WDFY3: variants seen among roughly 807,000 people sequenced by gnomAD.
WDFY3 encodes WD repeat and FYVE domain containing 3, also known as WD repeat and FYVE domain-containing protein 3.
A neutral mutation model predicts 409.6 loss-of-function variants in WDFY3; 66 were observed. The ratio of observed to expected loss-of-function variants is 0.16; its 90% CI spans 0.13 to 0.20. WDFY3 has a LOEUF of 0.20. Among genes scored for constraint, WDFY3 ranks in the 10% least tolerant of loss-of-function variants. WDFY3 has a pLI of 1.00. For synonymous variants in WDFY3, 1,521 were observed against 1,537.1 expected, an observed-to-expected ratio of 0.99 and a Z score of 0.25; for missense variants, 3,031 against 4,298.1, an observed-to-expected ratio of 0.71 and a Z score of 8.24.
chr4:84,708,975 G>T lies in WDFY3; in HGVS notation c.8151C>A (p.Gly2717=). The T allele has an allele frequency of 6.2e-7, 1 of 1,613,794 alleles. No individual in the cohort carries two copies. The highest frequency in any genetic ancestry group is 8.5e-7 in the Non-Finnish European group (1 of 1,179,712). ...QYLMHLNTLA[G]RSYNDLMQYP... ...ACTGCATGAGATCATTATATGATCT[G>T]CCAGCCAAAGTGTTCAAATGCATCA... is the stretch of plus-strand genomic sequence containing the variant. The change falls in exon 53 of 68, where the codon GGC becomes GGA. Residue 2717 remains glycine, a synonymous_variant. Coordinates refer to ENST00000295888, the MANE Select transcript of WDFY3 (RefSeq NM_014991.6).
At chr4:84,761,650 G>A (rs554570703) in intron 32 of WDFY3, among the ~76,000 whole-genome samples, 1 of 152,188 alleles carries the variant, frequency 6.6e-6, no homozygotes, top group South Asian at 2.1e-4. Flanking sequence ...CACAGCAAAG[G>A]AAACTACCAT....
intron 10 of WDFY3, 104 bp downstream of exon 10, chr4:84,826,711 C>T (rs1478766931): frequency 2.6e-6 from 3 of 1,175,124 alleles, no homozygotes; most frequent in African/African-American, 1.6e-5. Context: ...AACTATATTA[C>T]TTTTATATAT....
chr4:84,711,832 C>A (rs1420056188), intron 51 of WDFY3, among the ~76,000 whole-genome samples: 14 of 150,356 alleles, frequency 9.3e-5, no homozygotes, highest in African/African-American at 3.4e-4. Flanking sequence ...GCCTGGGCAA[C>A]AGAGCAAGAC....
intron 33 of WDFY3, among the ~76,000 whole-genome samples, chr4:84,756,500 G>C (rs1449618929): frequency 6.6e-6 from 1 of 151,780 alleles, no homozygotes; most frequent in African/African-American, 2.4e-5. Context: ...TGGGAGAATC[G>C]CTTGAACCCG....
At chr4:84,791,274 T>C (rs1321048926) in intron 21 of WDFY3, among the ~76,000 whole-genome samples, 1 of 152,190 alleles carries the variant, frequency 6.6e-6, no homozygotes, top group African/African-American at 2.4e-5. Flanking sequence ...CTTAAGGACA[T>C]TATGCTAAAT....
chr4:84,939,552 G>T (rs1028156218), intron 1 of WDFY3, among the ~76,000 whole-genome samples: 4 of 152,116 alleles, frequency 2.6e-5, no homozygotes, highest in African/African-American at 7.2e-5. Context: ...AGTCCTACTG[G>T]AAGAAAGAGC....
intron 32 of WDFY3, among the ~76,000 whole-genome samples, chr4:84,764,992 T>A (rs1743378614): frequency 6.6e-6 from 1 of 152,194 alleles, no homozygotes; most frequent in Non-Finnish European, 1.5e-5. Flanking sequence ...TAAATTCTAA[T>A]CCCTATTTTT....
At chr4:84,803,185 T>C in intron 16 of WDFY3, 105 bp downstream of exon 16, 2 of 1,241,716 alleles carry the variant, frequency 1.6e-6, no homozygotes. Flanking sequence ...TACTTTAGTA[T>C]GTAATATTAA....
At chr4:84,847,154 C>T (rs1758178654) in intron 5 of WDFY3, among the ~76,000 whole-genome samples, 1 of 152,020 alleles carries the variant, frequency 6.6e-6, no homozygotes, top group Admixed American at 6.6e-5. Context: ...CCCTACTTTG[C>T]TTCCAAAGTG....
chr4:84,694,438 C>T (rs1729775804), intron 58 of WDFY3, among the ~76,000 whole-genome samples: 1 of 152,198 alleles, frequency 6.6e-6, no homozygotes, highest in Non-Finnish European at 1.5e-5. Flanking sequence ...GACTTCTGGC[C>T]TCTTCTACTT....
At chr4:84,799,341 T>A (rs201039281) in intron 17 of WDFY3, among the ~76,000 whole-genome samples, 2,235 of 150,234 alleles carry the variant, frequency 0.015, 37 homozygotes, top group African/African-American at 0.038. Flanking sequence ...TATATATATT[T>A]TTTTTTTTTT....
At chr4:84,952,298 C>T (rs6531779) in intron 1 of WDFY3, among the ~76,000 whole-genome samples, 101,754 of 151,940 alleles carry the variant, frequency 0.67, 36,157 homozygotes, top group African/African-American at 0.92. Flanking sequence ...TAGGTCTCTG[C>T]GGAAAAAGAG....
chr4:84,696,313 CTT>C, intron 57 of WDFY3, 131 bp from the exon 58 acceptor site: 1 of 811,006 alleles, frequency 1.2e-6, no homozygotes, highest in Non-Finnish European at 1.9e-6. Context: ...GTATTCCCCT[CTT>C]ATTTGTGGTT....
At chr4:84,964,921 T>C (rs1379470280) in intron 1 of WDFY3, among the ~76,000 whole-genome samples, 2 of 152,206 alleles carry the variant, frequency 1.3e-5, no homozygotes, top group East Asian at 1.9e-4. Flanking sequence ...TGGTTCAAAG[T>C]ATTAACATAC....
intron 2 of WDFY3, among the ~76,000 whole-genome samples, chr4:84,921,067 GA>G (rs988179733): frequency 6.6e-6 from 1 of 151,772 alleles, no homozygotes; most frequent in Non-Finnish European, 1.5e-5. Flanking sequence ...GGATTAACTT[GA>G]AAAAAACCCA....
intron 3 of WDFY3, among the ~76,000 whole-genome samples, chr4:84,881,636 C>T (rs1325079185): frequency 6.6e-6 from 1 of 151,624 alleles, no homozygotes; most frequent in African/African-American, 2.4e-5. Flanking sequence ...CCTGTAATCC[C>T]AACACTTTGG....
Position 84,836,910 on chromosome 4 carries a change from C to T in WDFY3, c.576+19G>A, listed in dbSNP as rs751131209. ...TCCCTTTAAATAGGGTGGAGGTAGG[C>T]AAATAGCACCTTTCATACCTGTACA... is the stretch of plus-strand genomic sequence containing the variant. On this transcript the variant is annotated intron_variant, in intron 7 of 67. Transcript: ENST00000295888. 5 of 1,481,798 alleles carry T rather than the reference C, an allele frequency of 3.4e-6. No individual in the cohort carries two copies. In the South Asian group the frequency reaches 4.5e-5, roughly 13 times the overall value. The allele number at this position is 1,481,798 out of a possible 1,614,324, so 91.8% of individuals were successfully genotyped here. A position where few individuals can be genotyped will look rare whatever the true frequency, so the allele number is the denominator to read the frequency against.
chr4:84,902,127 C>A (rs1008602011), intron 2 of WDFY3, among the ~76,000 whole-genome samples: 2 of 152,150 alleles, frequency 1.3e-5, no homozygotes, highest in African/African-American at 2.4e-5. Context: ...GAAAATCTGG[C>A]ATTATATTCC....
chr4:84,678,985 G>A lies in WDFY3; in HGVS notation c.10081C>T (p.Gln3361Ter). ...YSEGQTRAHL[Q>*]GPLSHPHPNP... Reference sequence around the variant, plus strand: ...GGGTGGGGGTGGCTAAGGGGGCCCTGCAGATGGGCTCTGGTCTGGCCCTCT... The same window carrying A: ...GGGTGGGGGTGGCTAAGGGGGCCCTACAGATGGGCTCTGGTCTGGCCCTCT... The change falls in exon 65 of 68, where the codon CAG (glutamine) becomes TAG (stop). Residue 3361 changes from glutamine (Q) to a stop codon, truncating the protein, a stop_gained. Transcript: ENST00000295888. LOFTEE classifies it high-confidence loss of function. 1 of 1,614,238 alleles carries A rather than the reference G, an allele frequency of 6.2e-7. No individual in the cohort carries two copies. The highest frequency in any genetic ancestry group is 8.5e-7 in the Non-Finnish European group (1 of 1,180,036).
Sources: allele counts gnomAD v4.1 joint callset (sites outside exome capture counted in the v4.1 genomes callset), GRCh38; gene constraint gnomAD v4.1.1; transcripts MANE v1.5; gene names NCBI Gene and HGNC (gene_info 2026-07-23, HGNC 2026-07-21).